Variants in MAPT observed in about 807,000 individuals in gnomAD.
MAPT encodes the protein microtubule-associated protein tau.
Under a neutral mutation model 67.9 loss-of-function variants are expected in MAPT, and 34 were observed. The observed-to-expected ratio is 0.50, with a 90% CI of 0.38 to 0.67. The LOEUF is 0.67. MAPT is among the 30% of genes least tolerant of loss of function. MAPT has a pLI of 0.00. For missense variants in MAPT, 881 were observed against 1,115.2 expected (o/e 0.79, Z 2.99); for synonymous variants, 456 against 464.5 (o/e 0.98, Z 0.23).
rs1278350113 is a variant in MAPT at position 46,024,225 on chromosome 17, GA to G, written c.*63del. 1.0e-4 allele frequency: 154 copies of G among 1,471,932 alleles called. No individual in the cohort carries two copies. Among genetic ancestry groups the G allele is most frequent in the South Asian group, 4.0e-4 (35 of 88,234 alleles). 91.2% of individuals were successfully genotyped at this position (1,471,932 alleles called of 1,614,324 possible). A position where few individuals can be genotyped will look rare whatever the true frequency, so the allele number is the denominator to read the frequency against. On this transcript the variant is annotated 3_prime_UTR_variant, in exon 13 of 13. Coordinates refer to ENST00000262410, the MANE Select transcript of MAPT (RefSeq NM_001377265.1). ...GGAGAGGAGAGAATGAGAGAGTGTG[GA>G]AAAAAAAAGAATAATGACCCGGCCC...
chr17:45,934,550 G>A (rs1309336893), intron 1 of MAPT, among the ~76,000 whole-genome samples: 3 of 152,044 alleles, frequency 2.0e-5, no homozygotes, highest in South Asian at 4.2e-4. Flanking sequence ...TATGTCCTGC[G>A]GGCTCCTCTG....
At position 45,915,240 on chromosome 17, in the gene MAPT, AGT is replaced by A. The variant is rs1568153599; in HGVS notation, c.-18+20562_-18+20563del. Reference sequence around the variant, plus strand: ...CGCAAAGTGTGGGGGGATGGGGGTGAGTGTGTGTGGTGTGTAAGCATGAGTGT... The same window carrying A: ...CGCAAAGTGTGGGGGGATGGGGGTGAGTGTGTGGTGTGTAAGCATGAGTGT... On this transcript the variant is annotated intron_variant, in intron 1 of 12. Transcript: ENST00000262410. The surrounding 1 kb of genome is among the most constrained non-coding windows in gnomAD (Gnocchi z 4.4). Among the ~76,000 whole-genome samples the A allele has an allele frequency of 6.7e-6, 1 of 149,616 alleles. No individual in the cohort carries two copies. The highest frequency in any genetic ancestry group is 1.5e-5 in the Non-Finnish European group (1 of 67,410).
chr17:45,976,477 G>GCTC (rs2072367749), intron 3 of MAPT: 1 of 152,238 alleles, frequency 6.6e-6, no homozygotes, highest in Non-Finnish European at 1.5e-5. Flanking sequence ...CTAGAGTTGG[G>GCTC]TGCATGTGTC....
At position 45,951,892 on chromosome 17, in the gene MAPT, G is replaced by T. The variant is rs570474131; in HGVS notation, c.-17-10429G>T. 5.9e-5 allele frequency among the ~76,000 whole-genome samples: 9 copies of T among 152,306 alleles called. No individual in the cohort carries two copies. The South Asian group carries it at 1.9e-3, about 32-fold the overall frequency. Reference sequence around the variant, plus strand: ...TGAGAAAACAGGATTGAGGAAAGGAGAAAGGAAGAGAGAGAGAGAGGAGGA... The same window carrying T: ...TGAGAAAACAGGATTGAGGAAAGGATAAAGGAAGAGAGAGAGAGAGGAGGA... On this transcript the variant is annotated intron_variant, in intron 1 of 12. Coordinates refer to ENST00000262410, the MANE Select transcript of MAPT (RefSeq NM_001377265.1).
At chr17:45,938,391 C>A (rs1226135848) in intron 1 of MAPT, among the ~76,000 whole-genome samples, 2 of 152,250 alleles carry the variant, frequency 1.3e-5, no homozygotes, top group Non-Finnish European at 2.9e-5. Context: ...GATGAGTCCT[C>A]ACATCACCTT....
chr17:45,991,381 G>A (rs2074040824), intron 7 of MAPT, 79 bp from the exon 8 acceptor site: 2 of 1,583,600 alleles, frequency 1.3e-6, no homozygotes, highest in African/African-American at 1.3e-5. Context: ...CAAGGTGGCG[G>A]AGTGGGGCTG....
chr17:45,927,936 G>A (rs1248900044), intron 1 of MAPT, among the ~76,000 whole-genome samples: 1 of 149,180 alleles, frequency 6.7e-6, no homozygotes, highest in Non-Finnish European at 1.5e-5. Context: ...GTAGGCGGAG[G>A]TTGCAGTGAG....
rs2073852946 is a variant in MAPT at position 45,989,163 on chromosome 17, AGACCC to A, written c.1408-714_1408-710del. ...AATTGAGTAGAAAGTAAGGCCCTTC[AGACCC>A]CGTGACACACTTGGGGACATTTTCT... On this transcript the variant is annotated intron_variant, in intron 6 of 12. Transcript: ENST00000262410. Among the ~76,000 whole-genome samples the A allele has an allele frequency of 8.5e-5, 13 of 152,290 alleles. No individual in the cohort carries two copies. The South Asian group carries it at 2.5e-3, about 29-fold the overall frequency.
chr17:46,008,557 GCT>G (rs1226133060), intron 9 of MAPT, among the ~76,000 whole-genome samples: 1 of 152,116 alleles, frequency 6.6e-6, no homozygotes, highest in Non-Finnish European at 1.5e-5. Flanking sequence ...GCTTTGATGA[GCT>G]CTGTTTTTTA....
At chr17:45,921,561 G>A (rs1474390281) in intron 1 of MAPT, among the ~76,000 whole-genome samples, 3 of 152,172 alleles carry the variant, frequency 2.0e-5, no homozygotes, top group Non-Finnish European at 4.4e-5. Context: ...CCCATGCAGG[G>A]TGGCACTGGT....
intron 5 of MAPT, among the ~76,000 whole-genome samples, chr17:45,985,284 C>T (rs1275179126): frequency 6.6e-6 from 1 of 151,810 alleles, no homozygotes; most frequent in African/African-American, 2.4e-5. Context: ...TAAGCCTGGG[C>T]GACAGAGTGA....
At chr17:45,928,648 A>G (rs1278821668) in intron 1 of MAPT, among the ~76,000 whole-genome samples, 5 of 151,980 alleles carry the variant, frequency 3.3e-5, no homozygotes, top group African/African-American at 1.2e-4. Flanking sequence ...TCCCTGGGGT[A>G]GGGCCAGACA....
intron 11 of MAPT, 56 bp downstream of exon 11, chr17:46,014,380 C>T: frequency 8.1e-7 from 1 of 1,227,372 alleles, no homozygotes; most frequent in Admixed American, 1.7e-5. Flanking sequence ...TGGAGGAGTC[C>T]TGGTGAGGCT....
At chr17:45,985,872 G>A (rs543420281) in intron 5 of MAPT, 2 of 222,136 alleles carry the variant, frequency 9.0e-6, no homozygotes, top group African/African-American at 2.3e-5. Context: ...TAGTATAGTT[G>A]GAAAACCTCT....
chr17:45,996,717 A>G lies in MAPT; in HGVS notation c.1998+53A>G, dbSNP rs2074507098. On this transcript the variant is annotated intron_variant, in intron 9 of 12. Coordinates refer to ENST00000262410, the MANE Select transcript of MAPT (RefSeq NM_001377265.1). This position sits in a 1 kb window ranked among gnomAD's most constrained non-coding sequence, Gnocchi z 4.5. Reference sequence around the variant, plus strand: ...TGTGGGGGGCTGCGCCTGGAGGGGTAGGGCTGTGCCTGGAAGGGTAGGGCT... The same window carrying G: ...TGTGGGGGGCTGCGCCTGGAGGGGTGGGGCTGTGCCTGGAAGGGTAGGGCT... 1 of 1,601,422 alleles carries G rather than the reference A, an allele frequency of 6.2e-7. No individual in the cohort carries two copies. The highest frequency in any genetic ancestry group is 1.7e-5 in the Admixed American group (1 of 58,936).
chr17:45,960,103 G>A (rs1052597704), intron 1 of MAPT, among the ~76,000 whole-genome samples: 3 of 152,308 alleles, frequency 2.0e-5, no homozygotes, highest in South Asian at 2.1e-4. Flanking sequence ...TTGTAAATCC[G>A]CGGATTCATG....
chr17:45,960,755 C>G (rs2070302680), intron 1 of MAPT, among the ~76,000 whole-genome samples: 1 of 151,538 alleles, frequency 6.6e-6, no homozygotes, highest in Non-Finnish European at 1.5e-5. Context: ...GAGTTTGAGA[C>G]CAGCCTGGGC....
chr17:45,928,918 G>T (rs1335155768), intron 1 of MAPT, among the ~76,000 whole-genome samples: 1 of 152,014 alleles, frequency 6.6e-6, no homozygotes, highest in Non-Finnish European at 1.5e-5. Flanking sequence ...GGATGGTCTC[G>T]ATCTCCTGAC....
Position 46,014,287 on chromosome 17 carries a change from C to T in MAPT, c.2136C>T (p.Ser712=), listed in dbSNP as rs1477475980. 2.5e-6 allele frequency: 4 copies of T among 1,614,046 alleles called. No homozygotes were observed. The highest frequency in any genetic ancestry group is 3.4e-6 in the Non-Finnish European group (4 of 1,179,936). Residue 712 remains serine, a synonymous_variant, in exon 11 of 13, where the codon TCC becomes TCT. Coordinates refer to ENST00000262410, the MANE Select transcript of MAPT (RefSeq NM_001377265.1). ...CAGTTGACCTGAGCAAGGTGACCTC[C>T]AAGTGTGGCTCATTAGGCAACATCC... ...YKPVDLSKVT[S]KCGSLGNIHH...
Sources: gnomAD v4.1 joint callset for allele counts (sites outside exome capture counted in the v4.1 genomes callset) on GRCh38, gnomAD v4.1.1 for gene constraint, Gnocchi (gnomAD v3.1) non-coding constraint, MANE v1.5 for transcripts, NCBI Gene and HGNC (gene_info 2026-07-23, HGNC 2026-07-21) for gene names.